The following TRIM44 variants were observed in gnomAD, a reference collection of about 807,000 sequenced individuals.
The protein encoded by TRIM44 is tripartite motif containing 44.
Under a neutral mutation model 37.4 loss-of-function variants are expected in TRIM44, and 13 were observed. The ratio of observed to expected loss-of-function variants is 0.35; its 90% CI spans 0.23 to 0.55. The LOEUF (loss-of-function observed/expected upper bound fraction) is 0.55. TRIM44 is among the 20% of genes least tolerant of loss of function. TRIM44 has a pLI of 0.89. For missense variants in TRIM44, 426 were observed against 437.2 expected, an observed-to-expected ratio of 0.97 and a Z score of 0.23; for synonymous variants, 175 against 157.2, an observed-to-expected ratio of 1.11 and a Z score of -0.85.
At chr11:35,799,387 C>G (rs1001412207) in intron 4 of TRIM44, among the ~76,000 whole-genome samples, 4 of 152,198 alleles carry the variant, frequency 2.6e-5, no homozygotes, top group African/African-American at 9.7e-5. Flanking sequence ...TCTGGAGAGA[C>G]AGAGTCAGCT....
chr11:35,805,318 T>A (rs1237354946), intron 4 of TRIM44, among the ~76,000 whole-genome samples: 1 of 152,172 alleles, frequency 6.6e-6, no homozygotes, highest in Non-Finnish European at 1.5e-5. Flanking sequence ...TAGAAGAGGA[T>A]GGGGAGAAAC....
chr11:35,784,311 T>A (rs1565025614), intron 4 of TRIM44, among the ~76,000 whole-genome samples: 1 of 152,198 alleles, frequency 6.6e-6, no homozygotes, highest in Non-Finnish European at 1.5e-5. Flanking sequence ...AGGCTTGAGA[T>A]CTGAGCAGCT....
intron 4 of TRIM44, among the ~76,000 whole-genome samples, chr11:35,766,705 A>G (rs193184485): frequency 1.3e-5 from 2 of 152,334 alleles, no homozygotes; most frequent in Admixed American, 6.5e-5. Context: ...AAGAATTTGG[A>G]GTCACTGGAT....
chr11:35,739,896 C>T (rs963401130), intron 4 of TRIM44, among the ~76,000 whole-genome samples: 2 of 151,950 alleles, frequency 1.3e-5, no homozygotes, highest in Admixed American at 6.6e-5. Context: ...GTCAGGAGAT[C>T]GAGACCATCC....
chr11:35,717,362 A>G (rs957762552), intron 2 of TRIM44, among the ~76,000 whole-genome samples: 6 of 152,122 alleles, frequency 3.9e-5, no homozygotes, highest in Admixed American at 3.3e-4. Context: ...TGGTGGGGGA[A>G]AAAAGGGTAG....
intron 4 of TRIM44, among the ~76,000 whole-genome samples, chr11:35,747,445 A>G (rs941176915): frequency 5.3e-5 from 8 of 152,198 alleles, no homozygotes; most frequent in South Asian, 2.1e-4. Flanking sequence ...ACCCAGATCT[A>G]TCAGGGTTAA....
chr11:35,663,892 C>G, intron 1 of TRIM44, 112 bp downstream of exon 1: 1 of 1,308,510 alleles, frequency 7.6e-7, no homozygotes, highest in Non-Finnish European at 1.0e-6. Flanking sequence ...AGAAGCTAGT[C>G]TTTCCAACTT....
chr11:35,720,550 G>T (rs972886644), intron 2 of TRIM44, among the ~76,000 whole-genome samples: 1 of 151,380 alleles, frequency 6.6e-6, no homozygotes, highest in Non-Finnish European at 1.5e-5. Context: ...GACTTGCTGC[G>T]TAAGCTAGGA....
chr11:35,685,986 A>C (rs1224399663), intron 2 of TRIM44, among the ~76,000 whole-genome samples: 1 of 152,218 alleles, frequency 6.6e-6, no homozygotes, highest in African/African-American at 2.4e-5. Flanking sequence ...TCTTAATGCC[A>C]GGGACTGGCA....
intron 4 of TRIM44, among the ~76,000 whole-genome samples, chr11:35,743,045 G>A (rs1852434047): frequency 6.6e-6 from 1 of 151,890 alleles, no homozygotes; most frequent in Non-Finnish European, 1.5e-5. Context: ...AACTAACTCA[G>A]GATAAAGAAT....
At position 35,777,131 on chromosome 11, in the gene TRIM44, G is replaced by A. The variant is rs1852978964; in HGVS notation, c.1008-29227G>A. Among the ~76,000 whole-genome samples the A allele has an allele frequency of 2.0e-5, 3 of 152,288 alleles. No individual in the cohort carries two copies. The South Asian group carries it at 6.2e-4, about 32-fold the overall frequency. ...CTCTAAGGACTTGCTTTATGAATCTGGGTGCTCCTGTATTGGGTGCATATA... is the reference window on the plus strand; with the variant it reads ...CTCTAAGGACTTGCTTTATGAATCTAGGTGCTCCTGTATTGGGTGCATATA... On this transcript the variant is annotated intron_variant, in intron 4 of 4. Transcript: ENST00000299413.
At chr11:35,674,265 C>T (rs566477345) in intron 1 of TRIM44, among the ~76,000 whole-genome samples, 1 of 143,874 alleles carries the variant, frequency 7.0e-6, no homozygotes, top group South Asian at 2.2e-4. Context: ...CACATGCGCA[C>T]ATGTGTTTGC....
chr11:35,719,281 G>T (rs1176819278), intron 2 of TRIM44, among the ~76,000 whole-genome samples: 8 of 152,186 alleles, frequency 5.3e-5, no homozygotes, highest in African/African-American at 1.9e-4. Flanking sequence ...ATTCTAATAG[G>T]TGTGTATGGA....
intron 4 of TRIM44, among the ~76,000 whole-genome samples, chr11:35,768,274 CTTAAT>C (rs1178692374): frequency 6.6e-6 from 1 of 152,180 alleles, no homozygotes; most frequent in African/African-American, 2.4e-5. Context: ...AGCTTGCATA[CTTAAT>C]TTAATTTACT....
At chr11:35,664,297 TTAG>T (rs1851309231) in intron 1 of TRIM44, among the ~76,000 whole-genome samples, 1 of 152,174 alleles carries the variant, frequency 6.6e-6, no homozygotes, top group Non-Finnish European at 1.5e-5. Context: ...TGTTTGAAAC[TTAG>T]TAGAAAAGGA....
At chr11:35,744,653 G>C (rs954817726) in intron 4 of TRIM44, among the ~76,000 whole-genome samples, 2 of 152,068 alleles carry the variant, frequency 1.3e-5, no homozygotes, top group African/African-American at 4.8e-5. Flanking sequence ...TTGCTGCACA[G>C]ATCGTCCCAT....
At chr11:35,735,317 T>C (rs1852314427) in intron 3 of TRIM44, 109 bp from the exon 4 acceptor site, 1 of 1,021,692 alleles carries the variant, frequency 9.8e-7, no homozygotes, top group African/African-American at 1.6e-5. Context: ...TTACAATAAA[T>C]GTATAGTCCA....
chr11:35,811,019 A>G lies in TRIM44; in HGVS notation c.*4634A>G, dbSNP rs1312616769. 1 of 152,194 alleles carries G rather than the reference A, an allele frequency of 6.6e-6. No individual in the cohort carries two copies. The highest frequency in any genetic ancestry group is 1.5e-5 in the Non-Finnish European group (1 of 68,012). 9.4% of individuals were successfully genotyped at this position (152,194 alleles called of 1,614,324 possible). A position where few individuals can be genotyped will look rare whatever the true frequency, so the allele number is the denominator to read the frequency against. ...ATGTTCGGACTTGGTGCCCCTGTGC[A>G]TTTGGAAATCAATAAACTATTACTG... On this transcript the variant is annotated 3_prime_UTR_variant, in exon 5 of 5. Transcript: ENST00000299413.
intron 4 of TRIM44, among the ~76,000 whole-genome samples, chr11:35,795,317 T>C (rs928939921): frequency 6.6e-6 from 1 of 152,074 alleles, no homozygotes; most frequent in Non-Finnish European, 1.5e-5. Context: ...AATATTATTC[T>C]GAATACAGTT....
Sources: gnomAD v4.1 joint callset for allele counts (sites outside exome capture counted in the v4.1 genomes callset) on GRCh38, gnomAD v4.1.1 for gene constraint, MANE v1.5 for transcripts, NCBI Gene and HGNC (gene_info 2026-07-23, HGNC 2026-07-21) for gene names.